The following GRIN1 variants were observed in gnomAD, a reference collection of about 807,000 sequenced individuals.
GRIN1 encodes the protein glutamate ionotropic receptor NMDA type subunit 1.
In GRIN1, 38 loss-of-function variants were observed where a neutral mutation model predicts 103.0. The ratio of observed to expected loss-of-function variants is 0.37; its 90% CI spans 0.28 to 0.48. The LOEUF (loss-of-function observed/expected upper bound fraction) is 0.48. GRIN1 is among the 20% of genes least tolerant of loss of function. The probability of loss-of-function intolerance (pLI) is 0.98; values close to 1 mark genes in which losing one functional copy is unlikely to be tolerated. For synonymous variants in GRIN1, 544 were observed against 532.7 expected, an observed-to-expected ratio of 1.02 and a Z score of -0.29; for missense variants, 577 against 1,288.9, an observed-to-expected ratio of 0.45 and a Z score of 8.46.
At chr9:137,147,017 T>G (rs981988207) in intron 3 of GRIN1, among the ~76,000 whole-genome samples, 1 of 67,068 alleles carries the variant, frequency 1.5e-5, no homozygotes, top group African/African-American at 6.3e-5. Flanking sequence ...GACAGGCCCC[T>G]CCCCCCAGCG....
At chr9:137,165,705 G>C (rs772926117) in intron 19 of GRIN1, among the ~76,000 whole-genome samples, 1 of 152,170 alleles carries the variant, frequency 6.6e-6, no homozygotes, top group Non-Finnish European at 1.5e-5. Context: ...TTATGTCCCC[G>C]TTTCTCTCGC....
In GRIN1 at chr9:137,161,315, T is replaced by C; in HGVS notation, c.1366T>C (p.Tyr456His). 6.2e-7 allele frequency: 1 copy of C among 1,612,636 alleles called. No homozygotes were observed. The change falls in exon 10 of 20, where the codon TAC becomes CAC. Residue 456 changes from tyrosine to histidine, a missense_variant. Tyr to His is a moderately conservative substitution (Grantham distance 83). Around this residue, in one of 9 missense-constraint regions of GRIN1, gnomAD observed 96 missense variants for 145.0 expected, o/e 0.66. Transcript: ENST00000371561. ...CCGCCACACGGTGCCTCAGTGTTGC[T>C]ACGGCTTTTGCATCGACCTGCTCAT... is the stretch of plus-strand genomic sequence containing the variant. Reference protein sequence around the residue: ...SPRHTVPQCCYGFCIDLLIKL... With the variant: ...SPRHTVPQCCHGFCIDLLIKL...
chr9:137,154,024 C>T (rs1464430394), intron 4 of GRIN1, among the ~76,000 whole-genome samples: 1 of 151,740 alleles, frequency 6.6e-6, no homozygotes, highest in African/African-American at 2.4e-5. Context: ...GTTGGCCAGG[C>T]TGGTCTTGAA....
rs1833804499 is a variant in GRIN1 at position 137,165,277 on chromosome 9, G to A, written c.2681G>A (p.Arg894His). 1.9e-6 allele frequency: 3 copies of A among 1,609,068 alleles called. No homozygotes were observed. The highest frequency in any genetic ancestry group is 2.5e-6 in the Non-Finnish European group (3 of 1,176,978). ...TSTLASSFKRRRSSKDTSTGG... is the reference protein window; with the variant it reads ...TSTLASSFKRHRSSKDTSTGG... ...ACCCTGGCTTCCAGCTTCAAGAGGC[G>A]TAGGTCCTCCAAAGACACGGTAAGG... is the stretch of plus-strand genomic sequence containing the variant. Residue 894 changes from arginine (R) to histidine (H), a missense_variant, in exon 19 of 20, where the codon CGT becomes CAT. Physicochemically the swap from Arg to His is conservative, Grantham distance 29. Coordinates refer to ENST00000371561, the MANE Select transcript of GRIN1 (RefSeq NM_007327.4).
At position 137,148,900 on chromosome 9, in the gene GRIN1, C is replaced by T. The variant is rs1445424067; in HGVS notation, c.571-109C>T. On this transcript the variant is annotated intron_variant, in intron 3 of 19. Transcript: ENST00000371561. ...AGGTGGCAGGCGCAGACCATGGCAG[C>T]CCTAGCTAAGCTGCCTCGGGGTTCC... 3 of 791,776 alleles carry T rather than the reference C, an allele frequency of 3.8e-6. No homozygotes were observed. The East Asian group carries it at 8.0e-5, about 21-fold the overall frequency. 49.0% of individuals were successfully genotyped at this position (791,776 alleles called of 1,614,324 possible).
In GRIN1 at chr9:137,167,984, C is replaced by T; in HGVS notation, c.*457C>T. ...CCCGTCCGTCCGCCCGCCCACCCCG[C>T]TGCCTGGCGGGCAGCCCCTGCTGGA... On this transcript the variant is annotated 3_prime_UTR_variant, in exon 20 of 20. Coordinates refer to ENST00000371561, the MANE Select transcript of GRIN1 (RefSeq NM_007327.4). The T allele has an allele frequency of 1.3e-6, 1 of 779,010 alleles. No homozygotes were observed. Among genetic ancestry groups the T allele is most frequent in the South Asian group, 1.5e-5 (1 of 66,778 alleles). 48.3% of individuals were successfully genotyped at this position (779,010 alleles called of 1,614,324 possible).
intron 2 of GRIN1, 30 bp from the exon 3 acceptor site, chr9:137,145,696 C>G (rs1343186822): frequency 3.1e-6 from 5 of 1,602,028 alleles, no homozygotes; most frequent in Non-Finnish European, 4.3e-6. Flanking sequence ...GCGGGTCCAC[C>G]TCAGCCCGCC....
intron 4 of GRIN1, among the ~76,000 whole-genome samples, chr9:137,151,064 G>GAA (rs1832860347): frequency 7.9e-6 from 1 of 127,144 alleles, no homozygotes; most frequent in Non-Finnish European, 1.6e-5. Flanking sequence ...CCCGCCCAGG[G>GAA]AAAGCCCCGC....
chr9:137,158,762 T>C, intron 8 of GRIN1, 58 bp downstream of exon 8: 2 of 1,286,020 alleles, frequency 1.6e-6, no homozygotes, highest in Non-Finnish European at 2.3e-6. Context: ...ATCCACCCCC[T>C]CTGGCCTGAA....
At position 137,156,707 on chromosome 9, in the gene GRIN1, T is replaced by A; in HGVS notation, c.710T>A (p.Met237Lys). The A allele has an allele frequency of 6.3e-7, 1 of 1,595,970 alleles. No individual in the cohort carries two copies. Among genetic ancestry groups the A allele is most frequent in the Non-Finnish European group, 8.5e-7 (1 of 1,172,276 alleles). The part of the protein sequence containing the change: ...DAATVYRAAA[M>K]LNMTGSGYVW... ...GCCACTGTATACCGCGCAGCCGCGATGCTGAACATGACGGGCTCCGGGTAC... is the reference window on the plus strand; with the variant it reads ...GCCACTGTATACCGCGCAGCCGCGAAGCTGAACATGACGGGCTCCGGGTAC... Residue 237 changes from methionine (M) to lysine (K), a missense_variant, in exon 5 of 20, where the codon ATG becomes AAG. Physicochemically the swap from Met to Lys is moderately conservative, Grantham distance 95. Coordinates refer to ENST00000371561, the MANE Select transcript of GRIN1 (RefSeq NM_007327.4).
chr9:137,168,736 T>A lies in GRIN1; in HGVS notation c.*1209T>A. 2.7e-6 allele frequency: 2 copies of A among 738,498 alleles called. No homozygotes were observed. The highest frequency in any genetic ancestry group is 3.6e-6 in the Non-Finnish European group (2 of 548,114). The allele number at this position is 738,498 out of a possible 1,614,324, so 45.7% of individuals were successfully genotyped here. A position where few individuals can be genotyped will look rare whatever the true frequency, so the allele number is the denominator to read the frequency against. On this transcript the variant is annotated 3_prime_UTR_variant, in exon 20 of 20. Coordinates refer to ENST00000371561, the MANE Select transcript of GRIN1 (RefSeq NM_007327.4). ...CACCTCCCGGTGTATGCAGTGGTGA[T>A]GCCTAAAGGAATGTCACGCAGTTTT...
At chr9:137,148,073 T>C in intron 3 of GRIN1, 1 of 950,506 alleles carries the variant, frequency 1.1e-6, no homozygotes, top group Non-Finnish European at 1.6e-6. Context: ...GTGGTGTGAT[T>C]GCTTTAGCGC....
At chr9:137,147,996 A>AGCCCC (rs1832646658) in intron 3 of GRIN1, among the ~76,000 whole-genome samples, 2 of 143,168 alleles carry the variant, frequency 1.4e-5, no homozygotes, top group Admixed American at 6.8e-5. Flanking sequence ...CCCGGCCCCC[A>AGCCCC]GCCCCGCCCC....
intron 16 of GRIN1, 24 bp from the exon 17 acceptor site, chr9:137,163,533 GCA>G: frequency 6.7e-7 from 1 of 1,502,744 alleles, no homozygotes; most frequent in Non-Finnish European, 9.3e-7. Context: ...CCGCCTCACT[GCA>G]GGCTCACTTG....
At chr9:137,166,518 C>T (rs1833886293) in intron 19 of GRIN1, among the ~76,000 whole-genome samples, 1 of 152,210 alleles carries the variant, frequency 6.6e-6, no homozygotes, top group African/African-American at 2.4e-5. Flanking sequence ...CCACCTGCCC[C>T]TCAGTGCACT....
intron 3 of GRIN1, among the ~76,000 whole-genome samples, chr9:137,148,382 C>T (rs1428753195): frequency 6.6e-6 from 1 of 152,138 alleles, no homozygotes; most frequent in Admixed American, 6.5e-5. Flanking sequence ...GCAGGCGTGG[C>T]GGCGTGGGTG....
At chr9:137,160,293 G>T (rs1488096700) in intron 8 of GRIN1, among the ~76,000 whole-genome samples, 2 of 152,246 alleles carry the variant, frequency 1.3e-5, no homozygotes, top group Admixed American at 6.5e-5. Context: ...CTGTGCAGGT[G>T]CAGGGTCGGC....
Position 137,163,545 on chromosome 9 carries a change from G to A in GRIN1, c.2334-14G>A. The A allele has an allele frequency of 6.3e-7, 1 of 1,582,166 alleles. No individual in the cohort carries two copies. The highest frequency in any genetic ancestry group is 8.7e-7 in the Non-Finnish European group (1 of 1,151,660). The stretch of plus-strand genomic sequence containing the variant: ...GCCCCGCCTCACTGCAGGCTCACTT[G>A]TTCCCACCGCCAGGTCCCACGAGAA... On this transcript the variant is annotated splice_polypyrimidine_tract_variant and intron_variant, in intron 16 of 19. Transcript: ENST00000371561.
At position 137,162,105 on chromosome 9, in the gene GRIN1, TGGCGGGGTGGC is replaced by T; in HGVS notation, c.1632+25_1632+35del. The T allele has an allele frequency of 3.4e-6, 1 of 291,586 alleles. No homozygotes were observed. The highest frequency in any genetic ancestry group is 6.6e-6 in the Non-Finnish European group (1 of 151,438). The allele number at this position is 291,586 out of a possible 1,614,324, so 18.1% of individuals were successfully genotyped here. On this transcript the variant is annotated intron_variant, in intron 11 of 19. Coordinates refer to ENST00000371561, the MANE Select transcript of GRIN1 (RefSeq NM_007327.4). Reference sequence around the variant, plus strand: ...GTCAAGAAGGTGGGCAGGGGCCGGGTGGCGGGGTGGCGGCGGGGGGAGTCCCTGGAGGGCCC... The same window carrying T: ...GTCAAGAAGGTGGGCAGGGGCCGGGTGGCGGGGGGAGTCCCTGGAGGGCCC...
Sources: gnomAD v4.1 joint callset for allele counts (sites outside exome capture counted in the v4.1 genomes callset) on GRCh38, gnomAD v4.1.1 for gene constraint, gnomAD v4.1.1 regional missense constraint, MANE v1.5 for transcripts, NCBI Gene and HGNC (gene_info 2026-07-23, HGNC 2026-07-21) for gene names.